The following NTN1 variants were observed in gnomAD, a reference collection of about 807,000 sequenced individuals.
NTN1 encodes the protein netrin 1.
In NTN1, 11 loss-of-function variants were observed where a neutral mutation model predicts 54.2. That is an observed-to-expected ratio of 0.20 (90% CI 0.13 to 0.34). The LOEUF is 0.34. NTN1 is among the 10% of genes least tolerant of loss of function. NTN1 has a pLI of 1.00. For missense variants in NTN1, 740 were observed against 893.1 expected (o/e 0.83, Z 2.18); for synonymous variants, 371 against 382.0 (o/e 0.97, Z 0.33).
rs143289735 is a variant in NTN1, at chr17:9,236,335, C to T, written c.1487-3305C>T. Among the ~76,000 whole-genome samples the T allele has an allele frequency of 2.5e-3, 387 of 152,258 alleles. 2 individuals carry two copies. Among genetic ancestry groups the T allele is most frequent in the Non-Finnish European group, 2.5e-3 (171 of 68,030 alleles). On this transcript the variant is annotated intron_variant, in intron 6 of 6. Transcript: ENST00000173229. ...TCCTTGCTTCAAGCCAGAGGTTGGT[C>T]GGAGGTGACAGCAGCCTGGTGGAGT...
chr17:9,152,425 G>A (rs1401988658), intron 2 of NTN1, among the ~76,000 whole-genome samples: 1 of 152,134 alleles, frequency 6.6e-6, no homozygotes. Flanking sequence ...AGTCCTGTTG[G>A]CCACGCCCCT....
In NTN1 at chr17:9,114,969, G is replaced by A. The variant is rs1414126634; in HGVS notation, c.1019-47844G>A. Among the ~76,000 whole-genome samples the A allele has an allele frequency of 2.6e-5, 4 of 152,200 alleles. No homozygotes were observed. In the East Asian group the frequency reaches 7.7e-4, roughly 29 times the overall value. ...GTCTGTATTTCTAGAACCTGACATG[G>A]TGGGAGGCTTCTGTGAGAGAAGATG... is the stretch of plus-strand genomic sequence containing the variant. On this transcript the variant is annotated intron_variant, in intron 2 of 6. Coordinates refer to ENST00000173229, the MANE Select transcript of NTN1 (RefSeq NM_004822.3).
In NTN1 at chr17:9,165,994, C is replaced by T. The variant is rs987147215; in HGVS notation, c.1207+2993C>T. 6.6e-6 allele frequency among the ~76,000 whole-genome samples: 1 copy of T among 152,210 alleles called. No homozygotes were observed. The highest frequency in any genetic ancestry group is 1.5e-5 in the Non-Finnish European group (1 of 68,038). On this transcript the variant is annotated intron_variant, in intron 3 of 6. Coordinates refer to ENST00000173229, the MANE Select transcript of NTN1 (RefSeq NM_004822.3). This position sits in a 1 kb window ranked among gnomAD's most constrained non-coding sequence, Gnocchi z 4.5. ...TCCAGATCTTTCCCCTCAGCTCTTT[C>T]CTTTCCTGGTATCATGCTCTTATGG...
rs56255655 is a variant in NTN1, at chr17:9,163,147, GACACACACACACACACACACAC to G, written c.1207+163_1207+184del. The G allele has an allele frequency of 7.8e-4, 409 of 524,754 alleles. 6 individuals carry two copies. The South Asian group carries it at 0.011, about 14-fold the overall frequency. 32.5% of individuals were successfully genotyped at this position (524,754 alleles called of 1,614,324 possible). ...CATCTCTCTCTCTTTCTCTCTCTGTGACACACACACACACACACACACACACACACACACACACGCCTCCCTG... is the reference window on the plus strand; with the variant it reads ...CATCTCTCTCTCTTTCTCTCTCTGTGACACACACACACACACGCCTCCCTG... On this transcript the variant is annotated intron_variant, in intron 3 of 6. Coordinates refer to ENST00000173229, the MANE Select transcript of NTN1 (RefSeq NM_004822.3).
chr17:9,178,177 A>G (rs773029248), intron 3 of NTN1, among the ~76,000 whole-genome samples: 4 of 152,222 alleles, frequency 2.6e-5, no homozygotes, highest in Non-Finnish European at 5.9e-5. Context: ...AGCCTGGGCA[A>G]CAAGAGTGAA....
chr17:9,200,039 G>A (rs1904738918), intron 5 of NTN1, among the ~76,000 whole-genome samples: 1 of 152,234 alleles, frequency 6.6e-6, no homozygotes, highest in Admixed American at 6.5e-5. Flanking sequence ...GACCTCATTG[G>A]CATTGGCTTA....
At chr17:9,114,633 A>C (rs980181249) in intron 2 of NTN1, among the ~76,000 whole-genome samples, 12 of 152,004 alleles carry the variant, frequency 7.9e-5, no homozygotes, top group Non-Finnish European at 1.6e-4. Flanking sequence ...GGTGCCTGTA[A>C]TCCCAGCTAC....
At chr17:9,087,970 G>A (rs913059039) in intron 2 of NTN1, among the ~76,000 whole-genome samples, 3 of 152,306 alleles carry the variant, frequency 2.0e-5, no homozygotes, top group South Asian at 2.1e-4. Context: ...ACCCCAATTC[G>A]ACCAGGAGGC....
At chr17:9,156,571 C>T (rs2092342884) in intron 2 of NTN1, among the ~76,000 whole-genome samples, 1 of 152,142 alleles carries the variant, frequency 6.6e-6, no homozygotes, top group African/African-American at 2.4e-5. Context: ...TCGCCAGGGT[C>T]TTTTGGGGTG....
chr17:9,214,326 G>A (rs566696139), intron 5 of NTN1, among the ~76,000 whole-genome samples: 72 of 152,004 alleles, frequency 4.7e-4, no homozygotes, highest in Non-Finnish European at 8.7e-4. Flanking sequence ...TATTACTATT[G>A]ATTTTTGCTT....
At chr17:9,100,365 T>C (rs1035258712) in intron 2 of NTN1, among the ~76,000 whole-genome samples, 1 of 152,196 alleles carries the variant, frequency 6.6e-6, no homozygotes, top group African/African-American at 2.4e-5. Flanking sequence ...TGGCACGATC[T>C]CGGCTCACTC....
In NTN1 at chr17:9,239,710, C is replaced by T. The variant is rs763854409; in HGVS notation, c.1557C>T (p.Ser519=). The T allele has an allele frequency of 5.6e-6, 9 of 1,613,532 alleles. No individual in the cohort carries two copies. Among genetic ancestry groups the T allele is most frequent in the Non-Finnish European group, 6.8e-6 (8 of 1,179,924 alleles). ...DWWKFTVNII[S]VYKQGTSRIR... ...GGAAGTTCACGGTGAACATCATCTC[C>T]GTGTATAAGCAGGGCACGAGCCGCA... Residue 519 remains serine, a synonymous_variant, in exon 7 of 7, where the codon TCC becomes TCT. Transcript: ENST00000173229. This position sits in a 1 kb window ranked among gnomAD's most constrained non-coding sequence, Gnocchi z 5.2.
chr17:9,085,486 C>T (rs747477913), intron 2 of NTN1, among the ~76,000 whole-genome samples: 2 of 152,206 alleles, frequency 1.3e-5, no homozygotes, highest in African/African-American at 4.8e-5. Context: ...TATGGTCTCT[C>T]GCTGGGTGAC....
chr17:9,055,613 C>A (rs1295621132), intron 2 of NTN1, among the ~76,000 whole-genome samples: 1 of 152,162 alleles, frequency 6.6e-6, no homozygotes, highest in East Asian at 1.9e-4. Context: ...AGGAGCTTGC[C>A]ACGTTTGAGC....
At chr17:9,104,382 C>G (rs997126995) in intron 2 of NTN1, among the ~76,000 whole-genome samples, 1 of 152,144 alleles carries the variant, frequency 6.6e-6, no homozygotes, top group Non-Finnish European at 1.5e-5. Context: ...TACCATAGTA[C>G]AAAGATAGGT....
At position 9,135,445 on chromosome 17, in the gene NTN1, C is replaced by T. The variant is rs552083469; in HGVS notation, c.1019-27368C>T. ...CTTTGGACGTCCTTCCCCCTATTCT[C>T]GGGTTGTCTCCTGTTCCCAGCAATA... On this transcript the variant is annotated intron_variant, in intron 2 of 6. Coordinates refer to ENST00000173229, the MANE Select transcript of NTN1 (RefSeq NM_004822.3). This position sits in a 1 kb window ranked among gnomAD's most constrained non-coding sequence, Gnocchi z 4.4. Among the ~76,000 whole-genome samples, 14 of 152,372 alleles carry T rather than the reference C, an allele frequency of 9.2e-5. No individual in the cohort carries two copies. The highest frequency in any genetic ancestry group is 5.9e-4 in the Admixed American group (9 of 15,306).
intron 2 of NTN1, among the ~76,000 whole-genome samples, chr17:9,106,471 T>TCCTTCCTC (rs2092166771): frequency 8.9e-5 from 1 of 11,276 alleles, no homozygotes; most frequent in African/African-American, 5.7e-4. Flanking sequence ...CTTCCTCCCT[T>TCCTTCCTC]CCTTCCTTCC....
chr17:9,236,863 C>T (rs1474940607), intron 6 of NTN1, among the ~76,000 whole-genome samples: 1 of 152,204 alleles, frequency 6.6e-6, no homozygotes, highest in East Asian at 1.9e-4. Flanking sequence ...GTTTCCAGGG[C>T]ATTCACTGAT....
At chr17:9,003,458 GC>G in the NTN1 span, among the ~76,000 whole-genome samples, 25 of 151,206 alleles carry the variant, frequency 1.7e-4, no homozygotes, top group Non-Finnish European at 2.8e-4. The surrounding 1 kb of genome is among the most constrained non-coding windows in gnomAD (Gnocchi z 7.4). Context: ...GTCCCGGCGA[GC>G]CCCAGCCTGC....
Sources: allele counts gnomAD v4.1 joint callset (sites outside exome capture counted in the v4.1 genomes callset), GRCh38; gene constraint gnomAD v4.1.1; non-coding constraint Gnocchi (gnomAD v3.1); transcripts MANE v1.5; gene names NCBI Gene and HGNC (gene_info 2026-07-23, HGNC 2026-07-21).